RNF144A: variants seen among roughly 807,000 people sequenced by gnomAD.
The protein encoded by RNF144A is E3 ubiquitin-protein ligase RNF144A.
A neutral mutation model predicts 38.7 loss-of-function variants in RNF144A; 11 were observed. That is an observed-to-expected ratio of 0.28 (90% CI 0.18 to 0.47). RNF144A has a LOEUF of 0.47. RNF144A is among the 20% of genes least tolerant of loss of function. The pLI is 0.99. For missense variants in RNF144A, 316 were observed against 377.2 expected (o/e 0.84, Z 1.34); for synonymous variants, 149 against 143.9 (o/e 1.04, Z -0.25).
At chr2:6,963,580 G>C (rs530684716) in intron 2 of RNF144A, among the ~76,000 whole-genome samples, 1 of 152,230 alleles carries the variant, frequency 6.6e-6, no homozygotes, top group African/African-American at 2.4e-5. Context: ...AAAAATGACC[G>C]AACAAAAGAC....
intron 2 of RNF144A, among the ~76,000 whole-genome samples, chr2:6,953,287 G>A (rs1410935934): frequency 1.3e-5 from 2 of 152,058 alleles, no homozygotes; most frequent in East Asian, 1.9e-4. Flanking sequence ...AAATTAGAGC[G>A]GCATGGTGGC....
At position 6,943,105 on chromosome 2, in the gene RNF144A, G is replaced by T. The variant is rs1435469957; in HGVS notation, c.-12+1958G>T. Among the ~76,000 whole-genome samples the T allele has an allele frequency of 6.6e-6, 1 of 152,230 alleles. No homozygotes were observed. The highest frequency in any genetic ancestry group is 1.5e-5 in the Non-Finnish European group (1 of 68,038). The stretch of plus-strand genomic sequence containing the variant: ...CCAGATCTGATCGTTTAAGAGGGCG[G>T]TATGTGCTGGAGATGTGATAGGAGT... On this transcript the variant is annotated intron_variant, in intron 2 of 8. Coordinates refer to ENST00000320892, the MANE Select transcript of RNF144A (RefSeq NM_014746.6). The surrounding 1 kb of genome is among the most constrained non-coding windows in gnomAD (Gnocchi z 4.3).
intron 2 of RNF144A, among the ~76,000 whole-genome samples, chr2:6,946,725 C>T (rs188592536): frequency 1.2e-3 from 185 of 151,816 alleles, no homozygotes; most frequent in African/African-American, 4.0e-3. Flanking sequence ...AATAAAATCA[C>T]GTATTAAGAT....
chr2:6,983,505 T>C (rs1366125912), intron 2 of RNF144A, among the ~76,000 whole-genome samples: 3 of 152,236 alleles, frequency 2.0e-5, no homozygotes, highest in African/African-American at 7.2e-5. Flanking sequence ...CTGTCTCTTC[T>C]TCCTTTCTGA....
At chr2:7,074,437 A>G in the RNF144A span, 1 of 152,200 alleles carries the variant, frequency 6.6e-6, no homozygotes, top group African/African-American at 2.4e-5. Context: ...TAAGTTATGG[A>G]TTTCTAGTTG....
chr2:7,014,570 T>A lies in RNF144A; in HGVS notation c.240+12T>A. Reference sequence around the variant, plus strand: ...TACAGGAGAACGAGGCATGTGCAATTGAACAGACTGGGCTGTTTGATGTGC... The same window carrying A: ...TACAGGAGAACGAGGCATGTGCAATAGAACAGACTGGGCTGTTTGATGTGC... On this transcript the variant is annotated intron_variant, in intron 4 of 8. Coordinates refer to ENST00000320892, the MANE Select transcript of RNF144A (RefSeq NM_014746.6). 1 of 1,583,822 alleles carries A rather than the reference T, an allele frequency of 6.3e-7. No individual in the cohort carries two copies. Among genetic ancestry groups the A allele is most frequent in the Non-Finnish European group, 8.6e-7 (1 of 1,160,602 alleles).
At chr2:6,960,025 C>T (rs992599525) in intron 2 of RNF144A, among the ~76,000 whole-genome samples, 5 of 152,192 alleles carry the variant, frequency 3.3e-5, no homozygotes, top group Non-Finnish European at 7.3e-5. Flanking sequence ...GCCTGTATTC[C>T]GGAGACCCTC....
chr2:7,040,748 G>A lies in RNF144A; in HGVS notation c.*988G>A. 1 of 985,500 alleles carries A rather than the reference G, an allele frequency of 1.0e-6. No homozygotes were observed. The highest frequency in any genetic ancestry group is 1.2e-6 in the Non-Finnish European group (1 of 829,960). The allele number at this position is 985,500 out of a possible 1,614,324, so 61.0% of individuals were successfully genotyped here. ...GCAGATGTAGGGGCCTCTTGGCAGAGGCTGGAGGACTCTGGGGGCTAGGGA... is the reference window on the plus strand; with the variant it reads ...GCAGATGTAGGGGCCTCTTGGCAGAAGCTGGAGGACTCTGGGGGCTAGGGA... On this transcript the variant is annotated 3_prime_UTR_variant, in exon 9 of 9. Transcript: ENST00000320892.
chr2:7,047,726 C>T (rs567827794), downstream of RNF144A, among the ~76,000 whole-genome samples: 4 of 152,314 alleles, frequency 2.6e-5, no homozygotes, highest in Admixed American at 2.0e-4. Context: ...GCAAAAGCCT[C>T]AACTGTAGTT....
rs1671366357 is a variant in RNF144A, at chr2:7,019,419, G to C, written c.302-1054G>C. ...CCATGTGTGACACAGGCGAGCGGGA[G>C]CTGCCCGGCGGCCAGTCACAGGGCC... On this transcript the variant is annotated intron_variant, in intron 5 of 8. Transcript: ENST00000320892. Among the ~76,000 whole-genome samples, 3 of 152,364 alleles carry C rather than the reference G, an allele frequency of 2.0e-5. No individual in the cohort carries two copies. The South Asian group carries it at 6.2e-4, about 32-fold the overall frequency.
At chr2:6,929,678 C>T (rs771235600) in intron 1 of RNF144A, among the ~76,000 whole-genome samples, 117 of 152,214 alleles carry the variant, frequency 7.7e-4, no homozygotes, top group Non-Finnish European at 1.3e-3. Context: ...CTTACGCAAT[C>T]GTAGTTTGGA....
chr2:6,987,547 C>T (rs968296054), intron 2 of RNF144A, among the ~76,000 whole-genome samples: 3 of 152,160 alleles, frequency 2.0e-5, no homozygotes, highest in Non-Finnish European at 4.4e-5. Flanking sequence ...GCTCAATTAC[C>T]CTGTATATTT....
intron 6 of RNF144A, among the ~76,000 whole-genome samples, chr2:7,057,771 A>C (rs1445562918): frequency 7.2e-5 from 11 of 152,310 alleles, no homozygotes. Context: ...CCATCATCAT[A>C]ATTGCTTGGA....
At chr2:6,953,733 T>C (rs115645163) in intron 2 of RNF144A, among the ~76,000 whole-genome samples, 7 of 152,330 alleles carry the variant, frequency 4.6e-5, no homozygotes, top group Non-Finnish European at 7.3e-5. Flanking sequence ...AGTTTATTGG[T>C]TCTGGGTTTT....
intron 8 of RNF144A, among the ~76,000 whole-genome samples, chr2:7,032,299 C>T (rs1003905133): frequency 2.4e-3 from 353 of 150,020 alleles, no homozygotes; most frequent in Non-Finnish European, 3.9e-3. Context: ...CTGGAATCCG[C>T]GCCCCTTGCA....
Position 6,958,797 on chromosome 2 carries a change from T to A in RNF144A, c.-12+17650T>A, listed in dbSNP as rs1337868732. Among the ~76,000 whole-genome samples, 1 of 152,250 alleles carries A rather than the reference T, an allele frequency of 6.6e-6. No individual in the cohort carries two copies. Among genetic ancestry groups the A allele is most frequent in the Non-Finnish European group, 1.5e-5 (1 of 68,046 alleles). On this transcript the variant is annotated intron_variant, in intron 2 of 8. Coordinates refer to ENST00000320892, the MANE Select transcript of RNF144A (RefSeq NM_014746.6). This position sits in a 1 kb window ranked among gnomAD's most constrained non-coding sequence, Gnocchi z 4.5. Reference sequence around the variant, plus strand: ...GAGGACATGGGCCTGGTGTCTCACCTGCAAGGTGGCAGTGGGGTAGGCTGT... The same window carrying A: ...GAGGACATGGGCCTGGTGTCTCACCAGCAAGGTGGCAGTGGGGTAGGCTGT...
chr2:6,921,988 T>A (rs1664566006), intron 1 of RNF144A, among the ~76,000 whole-genome samples: 1 of 152,204 alleles, frequency 6.6e-6, no homozygotes, highest in Admixed American at 6.5e-5. Context: ...GGACCCAGAT[T>A]TCCGTGTGTA....
At chr2:6,932,564 C>T (rs1665270564) in intron 1 of RNF144A, among the ~76,000 whole-genome samples, 1 of 151,908 alleles carries the variant, frequency 6.6e-6, no homozygotes, top group South Asian at 2.1e-4. Flanking sequence ...TTTATCTCAC[C>T]ATTCTAAATA....
intron 2 of RNF144A, among the ~76,000 whole-genome samples, chr2:6,990,932 A>T (rs1669329419): frequency 6.6e-6 from 1 of 152,168 alleles, no homozygotes; most frequent in Admixed American, 6.5e-5. Flanking sequence ...AGTTGGGATC[A>T]TATGTGTGTA....
Sources: gnomAD v4.1 joint callset for allele counts (sites outside exome capture counted in the v4.1 genomes callset) on GRCh38, gnomAD v4.1.1 for gene constraint, Gnocchi (gnomAD v3.1) non-coding constraint, MANE v1.5 for transcripts, NCBI Gene and HGNC (gene_info 2026-07-23, HGNC 2026-07-21) for gene names.